Variants in COL4A4 observed in about 807,000 individuals in gnomAD.
COL4A4 encodes the protein collagen alpha-4(IV) chain.
Under a neutral mutation model 192.9 loss-of-function variants are expected in COL4A4, and 105 were observed. The ratio of observed to expected loss-of-function variants is 0.54; its 90% CI spans 0.46 to 0.64. The LOEUF (loss-of-function observed/expected upper bound fraction) is 0.64, where lower values mean the gene tolerates loss of function less well. Ranked by LOEUF, COL4A4 falls within the 30% of genes least tolerant of loss-of-function variation. The probability of loss-of-function intolerance (pLI) is 0.00; values close to 1 mark genes in which losing one functional copy is unlikely to be tolerated. For synonymous variants in COL4A4, 762 were observed against 769.9 expected (o/e 0.99, Z 0.17); for missense variants, 1,967 against 2,169.3 (o/e 0.91, Z 1.85).
rs1962177752 is a variant in COL4A4, at chr2:227,006,619, C to G, written c.*706G>C. 1 of 152,098 alleles carries G rather than the reference C, an allele frequency of 6.6e-6. No homozygotes were observed. Among genetic ancestry groups the G allele is most frequent in the African/African-American group, 2.4e-5 (1 of 41,410 alleles). 9.4% of individuals were successfully genotyped at this position (152,098 alleles called of 1,614,324 possible). On this transcript the variant is annotated 3_prime_UTR_variant, in exon 48 of 48. Coordinates refer to ENST00000396625, the MANE Select transcript of COL4A4 (RefSeq NM_000092.5). ...AGGCATTTCTATTCTCTGAAAAATG[C>G]AGAAGAGAACATAATGTTTTATATT... is the stretch of plus-strand genomic sequence containing the variant.
intron 31 of COL4A4, among the ~76,000 whole-genome samples, chr2:227,053,543 C>CTTTTTTTTTTT (rs56724633): frequency 9.8e-6 from 1 of 102,258 alleles, no homozygotes. Context: ...TTTTCTTTTT[C>CTTTTTTTTTTT]TTTTTTTTTT....
intron 35 of COL4A4, among the ~76,000 whole-genome samples, chr2:227,046,327 T>C (rs1296806625): frequency 7.1e-6 from 1 of 141,768 alleles, no homozygotes; most frequent in African/African-American, 2.7e-5. Flanking sequence ...CAGATGGAAT[T>C]TTAAGATAAT....
intron 44 of COL4A4, among the ~76,000 whole-genome samples, chr2:227,013,368 C>T (rs181755569): frequency 1.1e-4 from 16 of 152,222 alleles, no homozygotes; most frequent in African/African-American, 3.6e-4. Flanking sequence ...TCCTAGTCCC[C>T]GTATCTCAGA....
At chr2:227,157,874 T>C (rs989028949) in intron 1 of COL4A4, among the ~76,000 whole-genome samples, 2 of 151,948 alleles carry the variant, frequency 1.3e-5, no homozygotes, top group African/African-American at 2.4e-5. Flanking sequence ...TTTCTGAATA[T>C]AGAAAAAAAG....
At chr2:226,984,190 A>T in the COL4A4 span, among the ~76,000 whole-genome samples, 1 of 152,268 alleles carries the variant, frequency 6.6e-6, no homozygotes, top group Non-Finnish European at 1.5e-5. Flanking sequence ...CTGAACTACC[A>T]GTTGCCAAGC....
the COL4A4 span, chr2:226,996,030 G>A: frequency 9.4e-3 from 1,472 of 157,266 alleles, 6 homozygotes; most frequent in Non-Finnish European, 0.013. Context: ...CCCAACCCCG[G>A]CGCCTCAGCT....
intron 20 of COL4A4, among the ~76,000 whole-genome samples, chr2:227,092,192 A>G (rs2059978410): frequency 6.6e-6 from 1 of 152,352 alleles, no homozygotes; most frequent in South Asian, 2.1e-4. Context: ...AGAAAATGCC[A>G]TCAAAATCCT....
rs761671093 is a variant in COL4A4 at position 227,008,184 on chromosome 2, G to A, written c.4643C>T (p.Pro1548Leu). Residue 1548 changes from proline to leucine, a missense_variant, in exon 47 of 48, where the codon CCC becomes CTC. Pro to Leu is a moderately conservative substitution (Grantham distance 98, BLOSUM62 -3). Coordinates refer to ENST00000396625, the MANE Select transcript of COL4A4 (RefSeq NM_000092.5). The stretch of plus-strand genomic sequence containing the variant: ...TTCAGAGAGTGGCATCATGGGGAGG[G>A]GCGCAGCGCTGGCCAGCCAGTAGGA... ...DRSYWLASAAPLPMMPLSEEA... is the reference protein window; with the variant it reads ...DRSYWLASAALLPMMPLSEEA... 4 of 1,614,166 alleles carry A rather than the reference G, an allele frequency of 2.5e-6. No homozygotes were observed. Among genetic ancestry groups the A allele is most frequent in the Non-Finnish European group, 3.4e-6 (4 of 1,179,976 alleles).
intron 24 of COL4A4, among the ~76,000 whole-genome samples, chr2:227,078,851 T>A (rs894868393): frequency 2.0e-5 from 3 of 152,216 alleles, no homozygotes; most frequent in Non-Finnish European, 4.4e-5. Flanking sequence ...TGGTTAACTG[T>A]CTGGTTCTGT....
the COL4A4 span, among the ~76,000 whole-genome samples, chr2:226,981,549 C>T: frequency 1.4e-5 from 2 of 139,468 alleles, no homozygotes; most frequent in Admixed American, 1.4e-4. Context: ...CATCCATGCA[C>T]TCATCCACAT....
chr2:227,098,867 C>A, intron 18 of COL4A4, 69 bp from the exon 19 acceptor site: 1 of 1,293,792 alleles, frequency 7.7e-7, no homozygotes, highest in Non-Finnish European at 1.1e-6. Flanking sequence ...ACAACAATTA[C>A]TTTTTGTGAG....
At position 227,119,932 on chromosome 2, in the gene COL4A4, G is replaced by A. The variant is rs1449679821; in HGVS notation, c.335C>T (p.Thr112Ile). Residue 112 changes from threonine (T) to isoleucine (I), a missense_variant, in exon 6 of 48, where the codon ACT becomes ATT. By Grantham distance (89) the Thr-to-Ile change is moderately conservative. Transcript: ENST00000396625. ...TAAACCTGGAAATCCAGGAACACCA[G>A]TTGGACCCTAAAATCCCAGAAAATA... ...AAGDKGDKGP[T>I]GVPGFPGLDG... 1.9e-6 allele frequency: 3 copies of A among 1,580,162 alleles called. No individual in the cohort carries two copies. The highest frequency in any genetic ancestry group is 1.4e-5 in the African/African-American group (1 of 73,786).
At chr2:227,114,020 G>A (rs1236083660) in intron 8 of COL4A4, among the ~76,000 whole-genome samples, 1 of 152,102 alleles carries the variant, frequency 6.6e-6, no homozygotes, top group African/African-American at 2.4e-5. Context: ...CTGAACATTT[G>A]GACATCACTC....
intron 34 of COL4A4, 57 bp from the exon 35 acceptor site, chr2:227,047,606 C>A (rs1284002603): frequency 9.3e-6 from 11 of 1,177,682 alleles, no homozygotes; most frequent in Non-Finnish European, 1.4e-5. Context: ...TGGTCTCATA[C>A]AGGTGACAGT....
intron 37 of COL4A4, among the ~76,000 whole-genome samples, chr2:227,041,858 GAAAGAAAGAAAGAAAGAAAGAA>G (rs1971376209): frequency 3.0e-5 from 3 of 98,512 alleles, no homozygotes; most frequent in South Asian, 3.6e-4. Context: ...GAGAAAGAAA[GAAAGAAAGAAAGAAAGAAAGAA>G]AGAAAGAAAG....
rs1278575350 is a variant in COL4A4 at position 227,045,867 on chromosome 2, T to C, written c.3289+1608A>G. Among the ~76,000 whole-genome samples, 3 of 87,766 alleles carry C rather than the reference T, an allele frequency of 3.4e-5. 1 individual carries two copies. Among genetic ancestry groups the C allele is most frequent in the Non-Finnish European group, 4.3e-5 (2 of 46,290 alleles). The allele number at this position is 87,766 out of a possible 152,430, so 57.6% of individuals were successfully genotyped here. A position where few individuals can be genotyped will look rare whatever the true frequency, so the allele number is the denominator to read the frequency against. Reference sequence around the variant, plus strand: ...ATATATACACATATATATATACACATATATATACATATATATGTATATATA... The same window carrying C: ...ATATATACACATATATATATACACACATATATACATATATATGTATATATA... On this transcript the variant is annotated intron_variant, in intron 35 of 47. Transcript: ENST00000396625.
At chr2:227,105,389 G>T (rs548551404) in intron 12 of COL4A4, among the ~76,000 whole-genome samples, 6 of 151,370 alleles carry the variant, frequency 4.0e-5, no homozygotes, top group Non-Finnish European at 7.4e-5. Flanking sequence ...ATGGGATTTC[G>T]CCATGTTGGC....
At chr2:227,106,719 C>T (rs1026964026) in intron 12 of COL4A4, among the ~76,000 whole-genome samples, 15 of 152,176 alleles carry the variant, frequency 9.9e-5, no homozygotes, top group Admixed American at 2.6e-4. Flanking sequence ...GCACACGCCA[C>T]CATGCCCGGC....
At chr2:227,044,636 C>A (rs776177511) in intron 35 of COL4A4, among the ~76,000 whole-genome samples, 4 of 151,880 alleles carry the variant, frequency 2.6e-5, no homozygotes, top group Non-Finnish European at 5.9e-5. Flanking sequence ...AAACTTGTCT[C>A]CTGAATTTTG....
Sources: allele counts gnomAD v4.1 joint callset (sites outside exome capture counted in the v4.1 genomes callset), GRCh38; gene constraint gnomAD v4.1.1; transcripts MANE v1.5; gene names NCBI Gene and HGNC (gene_info 2026-07-23, HGNC 2026-07-21).